MAD1L1: variants seen among roughly 807,000 people sequenced by gnomAD.
MAD1L1 encodes mitotic spindle assembly checkpoint protein MAD1.
In MAD1L1, 95 loss-of-function variants were observed where a neutral mutation model predicts 96.9. The ratio of observed to expected loss-of-function variants is 0.98; its 90% confidence interval spans 0.83 to 1.16. The LOEUF is 1.16. Among genes scored for constraint, MAD1L1 ranks in the 50% most tolerant of loss-of-function variants. MAD1L1 has a pLI of 0.00. For synonymous variants in MAD1L1, 473 were observed against 396.6 expected (o/e 1.19, Z -2.29); for missense variants, 1,007 against 954.4 (o/e 1.06, Z -0.73).
rs373510121 is a variant in MAD1L1 at position 2,053,500 on chromosome 7, G to A, written c.1218+15694C>T. The stretch of plus-strand genomic sequence containing the variant: ...CCTGCCTCAATGCTATGAGCCGGAC[G>A]CCGGGGATGATCTGGGTTCCGGGAA... On this transcript the variant is annotated intron_variant, in intron 12 of 18. Transcript: ENST00000265854. 9.8e-5 allele frequency among the ~76,000 whole-genome samples: 15 copies of A among 152,368 alleles called. No homozygotes were observed. The East Asian group carries it at 1.4e-3, about 14-fold the overall frequency.
intron 14 of MAD1L1, among the ~76,000 whole-genome samples, chr7:2,000,005 T>C (rs138875608): frequency 6.6e-6 from 1 of 152,296 alleles, no homozygotes; most frequent in Non-Finnish European, 1.5e-5. Flanking sequence ...CCTCCAGTTC[T>C]GACTTCTCTG....
At position 2,114,218 on chromosome 7, in the gene MAD1L1, C is replaced by G. The variant is rs1787538956; in HGVS notation, c.1073+34934G>C. On this transcript the variant is annotated intron_variant, in intron 11 of 18. Coordinates refer to ENST00000265854, the MANE Select transcript of MAD1L1 (RefSeq NM_001013836.2). The surrounding 1 kb of genome is among the most constrained non-coding windows in gnomAD (Gnocchi z 4.2). Reference sequence around the variant, plus strand: ...AATGAAAAGTTCCCAGAAGAACATGCCAGACACATGAGAAAGACAAAAGGG... The same window carrying G: ...AATGAAAAGTTCCCAGAAGAACATGGCAGACACATGAGAAAGACAAAAGGG... Among the ~76,000 whole-genome samples, 1 of 152,194 alleles carries G rather than the reference C, an allele frequency of 6.6e-6. No individual in the cohort carries two copies.
chr7:2,173,350 G>A (rs556959718), intron 10 of MAD1L1, among the ~76,000 whole-genome samples: 2 of 152,070 alleles, frequency 1.3e-5, no homozygotes, highest in South Asian at 2.1e-4. Flanking sequence ...TAGCTGCCCC[G>A]CGTCTGGCTG....
At chr7:1,918,707 G>A (rs1305224589) in intron 17 of MAD1L1, among the ~76,000 whole-genome samples, 1 of 152,242 alleles carries the variant, frequency 6.6e-6, no homozygotes, top group East Asian at 1.9e-4. Context: ...ACAGCATGGA[G>A]AGAAGGGCCT....
At chr7:1,858,151 C>T (rs765232981) in intron 18 of MAD1L1, among the ~76,000 whole-genome samples, 6 of 152,358 alleles carry the variant, frequency 3.9e-5, no homozygotes, top group South Asian at 2.1e-4. Flanking sequence ...TTCCTCAGCA[C>T]GGGCTCAGGC....
intron 10 of MAD1L1, among the ~76,000 whole-genome samples, chr7:2,160,920 AAAT>A (rs1562741508): frequency 6.6e-6 from 1 of 152,222 alleles, no homozygotes; most frequent in Non-Finnish European, 1.5e-5. Context: ...ATAAAAAGAA[AAAT>A]AATTCCCACA....
chr7:2,185,914 G>A (rs1187998990), intron 10 of MAD1L1, among the ~76,000 whole-genome samples: 3 of 152,192 alleles, frequency 2.0e-5, no homozygotes, highest in African/African-American at 7.2e-5. Context: ...GACCCCAGTC[G>A]GTCCATTAGG....
At chr7:1,859,525 G>A (rs1325292466) in intron 18 of MAD1L1, among the ~76,000 whole-genome samples, 1 of 152,242 alleles carries the variant, frequency 6.6e-6, no homozygotes. Context: ...CCACAAGTGG[G>A]ATCTGAGTGG....
chr7:2,163,292 G>A (rs978897095), intron 10 of MAD1L1, among the ~76,000 whole-genome samples: 1 of 152,206 alleles, frequency 6.6e-6, no homozygotes, highest in Non-Finnish European at 1.5e-5. Flanking sequence ...GGCGTAATGG[G>A]ATGGAACTAG....
chr7:2,094,788 T>C (rs1196459867), intron 11 of MAD1L1, among the ~76,000 whole-genome samples: 2 of 151,686 alleles, frequency 1.3e-5, no homozygotes, highest in African/African-American at 4.9e-5. Context: ...ACATGACCCA[T>C]CTACATAGAG....
At chr7:1,985,524 T>C (rs1036064994) in intron 14 of MAD1L1, among the ~76,000 whole-genome samples, 1 of 152,254 alleles carries the variant, frequency 6.6e-6, no homozygotes, top group African/African-American at 2.4e-5. Context: ...TGCAGCTCGA[T>C]CTGCTCTCCC....
chr7:1,868,871 C>A (rs1784906165), intron 18 of MAD1L1, among the ~76,000 whole-genome samples: 1 of 152,182 alleles, frequency 6.6e-6, no homozygotes, highest in African/African-American at 2.4e-5. Context: ...GCACACCAAC[C>A]CTCTGCATGG....
rs538196587 is a variant in MAD1L1, at chr7:2,135,693, C to T, written c.1073+13459G>A. 1.7e-4 allele frequency among the ~76,000 whole-genome samples: 26 copies of T among 152,290 alleles called. No homozygotes were observed. In the South Asian group the frequency reaches 5.0e-3, roughly 29 times the overall value. On this transcript the variant is annotated intron_variant, in intron 11 of 18. Coordinates refer to ENST00000265854, the MANE Select transcript of MAD1L1 (RefSeq NM_001013836.2). ...TCACAGCGACCCTCGGGACAATGCCCACCAGCTCTCGCCACCTCTCACGGC... is the reference window on the plus strand; with the variant it reads ...TCACAGCGACCCTCGGGACAATGCCTACCAGCTCTCGCCACCTCTCACGGC...
chr7:1,939,899 G>C (rs570167559), intron 16 of MAD1L1, among the ~76,000 whole-genome samples: 2 of 152,336 alleles, frequency 1.3e-5, no homozygotes, highest in African/African-American at 2.4e-5. Flanking sequence ...ATGGGCAATC[G>C]TGGTCCCAGA....
intron 12 of MAD1L1, among the ~76,000 whole-genome samples, chr7:2,034,853 G>T (rs1023600648): frequency 1.3e-5 from 2 of 152,204 alleles, no homozygotes; most frequent in African/African-American, 4.8e-5. Context: ...TTTTTCAATG[G>T]CCTCTTTATA....
intron 15 of MAD1L1, among the ~76,000 whole-genome samples, chr7:1,960,226 A>C (rs939067213): frequency 6.6e-6 from 1 of 150,950 alleles, no homozygotes; most frequent in African/African-American, 2.5e-5. Context: ...AAAAATACCA[A>C]AGTGGATTGA....
chr7:1,818,543 T>C (rs1781948930), intron 18 of MAD1L1, among the ~76,000 whole-genome samples: 1 of 152,052 alleles, frequency 6.6e-6, no homozygotes, highest in Non-Finnish European at 1.5e-5. Context: ...CACACCTGGC[T>C]AATTTTTAAA....
At position 1,948,286 on chromosome 7, in the gene MAD1L1, C is replaced by T. The variant is rs577602837; in HGVS notation, c.1596+9343G>A. ...GCCTGCGAGTGAGCCCACCCACCTG[C>T]GCCATGGGCCCCAGCAAACGCCCCC... On this transcript the variant is annotated intron_variant, in intron 16 of 18. Transcript: ENST00000265854. 3.3e-4 allele frequency among the ~76,000 whole-genome samples: 51 copies of T among 152,272 alleles called. 1 individual carries two copies. In the South Asian group the frequency reaches 9.7e-3, roughly 29 times the overall value.
chr7:1,907,814 G>A (rs550387536), intron 17 of MAD1L1, among the ~76,000 whole-genome samples: 2 of 152,374 alleles, frequency 1.3e-5, no homozygotes, highest in South Asian at 2.1e-4. Context: ...ACGGGTGCTC[G>A]GCGCGGGATC....
Sources: allele counts gnomAD v4.1 joint callset (sites outside exome capture counted in the v4.1 genomes callset), GRCh38; gene constraint gnomAD v4.1.1; non-coding constraint Gnocchi (gnomAD v3.1); transcripts MANE v1.5; gene names NCBI Gene and HGNC (gene_info 2026-07-23, HGNC 2026-07-21).